Variants in CD99 observed in about 807,000 individuals in gnomAD.
The protein encoded by CD99 is CD99 antigen.
CD99 carries 19 observed loss-of-function variants against 28.4 expected under a neutral mutation model. The observed-to-expected ratio is 0.67, with a 90% CI of 0.47 to 0.98. CD99 has a LOEUF of 0.98. Ranked by LOEUF, CD99 falls within the 50% of genes least tolerant of loss-of-function variation. The probability of loss-of-function intolerance (pLI) is 0.00; values close to 1 mark genes in which losing one functional copy is unlikely to be tolerated. For missense variants in CD99, 283 were observed against 248.8 expected (o/e 1.14, Z -0.92); for synonymous variants, 103 against 92.1 (o/e 1.12, Z -0.67).
At chrX:2,692,286 C>T in intron 1 of CD99, 1 of 248,860 alleles carries the variant, frequency 4.0e-6, no homozygotes, top group South Asian at 4.6e-5. Context: ...ATTTTTTGCT[C>T]TTCGTATGGG....
Position 2,726,193 on chromosome X carries a change from C to G in CD99, c.362-67C>G. On this transcript the variant is annotated intron_variant, in intron 7 of 9. Coordinates refer to ENST00000381192, the MANE Select transcript of CD99 (RefSeq NM_002414.5). ...TCAGACTGACTGTCTCTGCCAGCCACTGCCCCCTGGGATCTTCTCTGCACC... is the reference window on the plus strand; with the variant it reads ...TCAGACTGACTGTCTCTGCCAGCCAGTGCCCCCTGGGATCTTCTCTGCACC... The G allele has an allele frequency of 3.2e-6, 3 of 943,654 alleles. No homozygotes were observed. The South Asian group carries it at 4.1e-5, about 13-fold the overall frequency. The allele number at this position is 943,654 out of a possible 1,614,324, so 58.5% of individuals were successfully genotyped here.
At chrX:2,699,644 A>G (rs1569426064) in intron 1 of CD99, among the ~76,000 whole-genome samples, 1 of 151,892 alleles carries the variant, frequency 6.6e-6, no homozygotes, top group African/African-American at 2.4e-5. Flanking sequence ...TTTTGTAGAG[A>G]CAGGGTCTCC....
At chrX:2,727,035 G>A (rs1444752605) in intron 8 of CD99, among the ~76,000 whole-genome samples, 1 of 152,212 alleles carries the variant, frequency 6.6e-6, no homozygotes, top group African/African-American at 2.4e-5. Context: ...TACTCGGAAG[G>A]CTGAGGCAGG....
chrX:2,711,410 T>C (rs1225727860), intron 1 of CD99, among the ~76,000 whole-genome samples: 2 of 124,272 alleles, frequency 1.6e-5, no homozygotes, highest in African/African-American at 3.7e-5. Context: ...TATGTGTGTG[T>C]ATTATATATA....
intron 8 of CD99, among the ~76,000 whole-genome samples, chrX:2,731,240 A>C (rs1368553716): frequency 2.0e-5 from 3 of 152,168 alleles, no homozygotes; most frequent in South Asian, 4.1e-4. Flanking sequence ...CCATAGGTTC[A>C]TGGGGAGCTT....
intron 1 of CD99, among the ~76,000 whole-genome samples, chrX:2,704,510 T>A (rs1327561149): frequency 6.6e-6 from 1 of 152,174 alleles, no homozygotes; most frequent in East Asian, 1.9e-4. Flanking sequence ...CTCGGCTCAC[T>A]GCAACCTCCA....
chrX:2,704,318 C>A (rs894172193), intron 1 of CD99, among the ~76,000 whole-genome samples: 64 of 152,116 alleles, frequency 4.2e-4, no homozygotes, highest in Non-Finnish European at 7.2e-4. Context: ...ACGTCTATAC[C>A]CTTGTGCCGT....
chrX:2,726,588 CCCACTGCT>C lies in CD99; in HGVS notation c.475+216_475+223del, dbSNP rs1405958415. 2.1e-5 allele frequency: 14 copies of C among 670,226 alleles called. No individual in the cohort carries two copies. In the African/African-American group the frequency reaches 2.5e-4, roughly 12 times the overall value. 41.5% of individuals were successfully genotyped at this position (670,226 alleles called of 1,614,324 possible). ...TTGTTGTGTGAAAGTTTACAAGTTCCCCACTGCTGCAGTGCTTGGGTTGTTTACGTCTA... is the reference window on the plus strand; with the variant it reads ...TTGTTGTGTGAAAGTTTACAAGTTCCGCAGTGCTTGGGTTGTTTACGTCTA... On this transcript the variant is annotated intron_variant, in intron 8 of 9. Transcript: ENST00000381192.
At chrX:2,707,840 G>T (rs769315130) in intron 1 of CD99, among the ~76,000 whole-genome samples, 4 of 152,294 alleles carry the variant, frequency 2.6e-5, no homozygotes, top group African/African-American at 9.6e-5. Flanking sequence ...CTTCACATTT[G>T]TAGCCCCGGA....
Position 2,733,466 on chromosome X carries a change from T to C in CD99, c.476-4734T>C, listed in dbSNP as rs759599056. The C allele has an allele frequency of 9.8e-5, 133 of 1,360,854 alleles. No individual in the cohort carries two copies. The African/African-American group carries it at 1.6e-3, about 16-fold the overall frequency. 84.3% of individuals were successfully genotyped at this position (1,360,854 alleles called of 1,614,324 possible). On this transcript the variant is annotated intron_variant, in intron 8 of 9. Coordinates refer to ENST00000381192, the MANE Select transcript of CD99 (RefSeq NM_002414.5). ...TAGCCTTAAAGCAAACCCTTCCATC[T>C]GCCGCTCCCCTCGCCCTGCTGGCAA...
In CD99 at chrX:2,723,388, T is replaced by C. The variant is rs200873992; in HGVS notation, c.361+24T>C. The stretch of plus-strand genomic sequence containing the variant: ...GGGTAGGTGCACCTGGCTTCTGTCT[T>C]CTTGTCTCTCCCACGTGGTGTTGAG... On this transcript the variant is annotated intron_variant, in intron 7 of 9. Transcript: ENST00000381192. 3 of 1,613,454 alleles carry C rather than the reference T, an allele frequency of 1.9e-6. No homozygotes were observed. In the East Asian group the frequency reaches 6.7e-5, roughly 36 times the overall value.
chrX:2,695,240 C>G (rs1290299882), intron 1 of CD99, among the ~76,000 whole-genome samples: 2 of 151,908 alleles, frequency 1.3e-5, no homozygotes, highest in African/African-American at 2.4e-5. Context: ...GAATTTTCCT[C>G]TGTTGTCCAG....
chrX:2,724,460 G>T (rs2049168802), intron 7 of CD99, among the ~76,000 whole-genome samples: 1 of 151,770 alleles, frequency 6.6e-6, no homozygotes, highest in African/African-American at 2.4e-5. Context: ...CTCACATCTG[G>T]CATTTGGAAT....
intron 8 of CD99, among the ~76,000 whole-genome samples, chrX:2,732,960 T>G (rs2049742702): frequency 7.2e-6 from 1 of 139,670 alleles, no homozygotes; most frequent in South Asian, 2.7e-4. Flanking sequence ...CCTCCCTCCC[T>G]CCCTCATTTC....
rs150202134 is a variant in CD99, at chrX:2,729,575, A to G, written c.475+3202A>G. ...ATGGGGATTATGGGAATTACAATTT[A>G]AGATGAGATTTGGGTGGGGACACAG... On this transcript the variant is annotated intron_variant, in intron 8 of 9. Transcript: ENST00000381192. Among the ~76,000 whole-genome samples the G allele has an allele frequency of 8.9e-3, 1,354 of 152,274 alleles. 18 individuals are homozygous for G. Among genetic ancestry groups the G allele is most frequent in the African/African-American group, 0.031 (1,279 of 41,554 alleles).
At chrX:2,722,103 C>T (rs2049017625) in intron 5 of CD99, among the ~76,000 whole-genome samples, 1 of 151,572 alleles carries the variant, frequency 6.6e-6, no homozygotes, top group African/African-American at 2.4e-5. Context: ...CAACTTTCTC[C>T]TGGTTTCATG....
At chrX:2,724,250 C>CT (rs1173069676) in intron 7 of CD99, among the ~76,000 whole-genome samples, 1 of 152,132 alleles carries the variant, frequency 6.6e-6, no homozygotes, top group African/African-American at 2.4e-5. Flanking sequence ...TCTACTATGT[C>CT]ACTTCATCAG....
At chrX:2,712,764 C>T (rs1442741547) in intron 1 of CD99, among the ~76,000 whole-genome samples, 2 of 152,020 alleles carry the variant, frequency 1.3e-5, no homozygotes, top group Admixed American at 6.6e-5. Flanking sequence ...GAAACACACA[C>T]GCAGCCATGA....
intron 1 of CD99, among the ~76,000 whole-genome samples, chrX:2,698,475 C>A (rs139423658): frequency 0.018 from 2,779 of 152,044 alleles, 90 homozygotes; most frequent in African/African-American, 0.064. Flanking sequence ...AGCCTGCAAT[C>A]ATTTTTTTTG....
Sources: allele counts gnomAD v4.1 joint callset (sites outside exome capture counted in the v4.1 genomes callset), GRCh38; gene constraint gnomAD v4.1.1; transcripts MANE v1.5; gene names NCBI Gene and HGNC (gene_info 2026-07-23, HGNC 2026-07-21).